The following POFUT3 variants were observed in gnomAD, a reference collection of about 807,000 sequenced individuals.
POFUT3 encodes the protein protein O-fucosyltransferase 3, also known as GDP-fucose protein O-fucosyltransferase 3.
At chr8:33,439,044 T>A in the POFUT3 span, among the ~76,000 whole-genome samples, 1 of 152,240 alleles carries the variant, frequency 6.6e-6, no homozygotes, top group Non-Finnish European at 1.5e-5. Context: ...ATCTCAAAGC[T>A]ACCACTTCCT....
chr8:33,372,391 T>C, the POFUT3 span: 6 of 1,367,328 alleles, frequency 4.4e-6, no homozygotes, highest in Non-Finnish European at 5.6e-6. Context: ...GTATAAAAAA[T>C]ATAGTGGCTA....
the POFUT3 span, among the ~76,000 whole-genome samples, chr8:33,470,236 C>CAAAAAAAAAAAAAAAAAA: frequency 5.6e-5 from 5 of 89,070 alleles, no homozygotes; most frequent in African/African-American, 2.3e-4. Context: ...CCCATCTCTA[C>CAAAAAAAAAAAAAAAAAA]AAAAAAAAAA....
chr8:33,415,185 C>T, the POFUT3 span, among the ~76,000 whole-genome samples: 3 of 152,078 alleles, frequency 2.0e-5, no homozygotes, highest in Non-Finnish European at 4.4e-5. Flanking sequence ...TCACTTGAAC[C>T]CAGGAGGCGG....
chr8:33,456,458 A>G, the POFUT3 span, among the ~76,000 whole-genome samples: 7,124 of 151,988 alleles, frequency 0.047, 271 homozygotes, highest in African/African-American at 0.099. Flanking sequence ...CCCGAGTTCA[A>G]GTGATTCTCC....
the POFUT3 span, among the ~76,000 whole-genome samples, chr8:33,339,443 A>G: frequency 3.3e-5 from 5 of 152,222 alleles, no homozygotes; most frequent in African/African-American, 4.8e-5. Flanking sequence ...GTGAGACTGT[A>G]ACAAAAGATC....
the POFUT3 span, among the ~76,000 whole-genome samples, chr8:33,394,655 G>A: frequency 6.6e-6 from 1 of 150,832 alleles, no homozygotes; most frequent in African/African-American, 2.4e-5. Context: ...TACATGAAAG[G>A]TTTTGCTCTT....
the POFUT3 span, among the ~76,000 whole-genome samples, chr8:33,465,248 T>C: frequency 1.3e-5 from 2 of 152,124 alleles, no homozygotes; most frequent in South Asian, 2.1e-4. Flanking sequence ...AATAAAACTA[T>C]ACTGTTTTCA....
the POFUT3 span, among the ~76,000 whole-genome samples, chr8:33,320,647 G>A: frequency 2.6e-5 from 4 of 152,036 alleles, no homozygotes; most frequent in African/African-American, 9.7e-5. Flanking sequence ...AGCTTAACTG[G>A]GCTGAACGAT....
the POFUT3 span, among the ~76,000 whole-genome samples, chr8:33,385,503 G>C: frequency 6.6e-6 from 1 of 152,180 alleles, no homozygotes; most frequent in Non-Finnish European, 1.5e-5. Flanking sequence ...GTCTCAGAGG[G>C]GCAAGGCAAC....
the POFUT3 span, among the ~76,000 whole-genome samples, chr8:33,402,247 C>T: frequency 1.3e-5 from 2 of 152,132 alleles, no homozygotes; most frequent in Non-Finnish European, 2.9e-5. Flanking sequence ...AAATCAAAGG[C>T]TTATTCTCTG....
the POFUT3 span, among the ~76,000 whole-genome samples, chr8:33,340,929 C>T: frequency 6.6e-6 from 1 of 152,168 alleles, no homozygotes. Flanking sequence ...AACATGCCAT[C>T]AACCAACAGA....
chr8:33,309,692 A>G, the POFUT3 span, among the ~76,000 whole-genome samples: 1 of 152,166 alleles, frequency 6.6e-6, no homozygotes, highest in African/African-American at 2.4e-5. Context: ...GCGCTTAGTC[A>G]GTACTCAGTA....
chr8:33,431,547 CAAAAAAAAAAAAAAAAAA>C, the POFUT3 span, among the ~76,000 whole-genome samples: 347 of 35,058 alleles, frequency 9.9e-3, 3 homozygotes, highest in African/African-American at 0.018. Flanking sequence ...GACCCTGTCT[CAAAAAAAAAAAAAAAAAA>C]AAAAAAAAAA....
At chr8:33,441,377 C>A in the POFUT3 span, among the ~76,000 whole-genome samples, 1 of 137,288 alleles carries the variant, frequency 7.3e-6, no homozygotes, top group African/African-American at 2.9e-5. Context: ...TTTTTTCCTG[C>A]CTTTTTTTTT....
chr8:33,438,975 G>A, the POFUT3 span, among the ~76,000 whole-genome samples: 1 of 152,048 alleles, frequency 6.6e-6, no homozygotes, highest in Non-Finnish European at 1.5e-5. Context: ...AGATTTGGGT[G>A]GAGACACAGT....
the POFUT3 span, among the ~76,000 whole-genome samples, chr8:33,368,152 G>T: frequency 6.6e-6 from 1 of 152,098 alleles, no homozygotes; most frequent in Non-Finnish European, 1.5e-5. Flanking sequence ...AAGGGGCAAG[G>T]GTATATAGCA....
the POFUT3 span, among the ~76,000 whole-genome samples, chr8:33,384,427 A>G: frequency 6.6e-6 from 1 of 152,182 alleles, no homozygotes; most frequent in East Asian, 1.9e-4. Flanking sequence ...AGGAATAGCA[A>G]TTAGTCCTTG....
the POFUT3 span, among the ~76,000 whole-genome samples, chr8:33,318,763 G>T: frequency 0.061 from 1,566 of 25,638 alleles, 43 homozygotes; most frequent in East Asian, 0.36. Flanking sequence ...TAAATATATT[G>T]TATATATATT....
At chr8:33,466,509 G>A in the POFUT3 span, among the ~76,000 whole-genome samples, 1 of 151,852 alleles carries the variant, frequency 6.6e-6, no homozygotes, top group African/African-American at 2.4e-5. Flanking sequence ...GAAGGGCAGG[G>A]CAGGGAAGGG....
Sources: gnomAD v4.1 joint callset for allele counts (sites outside exome capture counted in the v4.1 genomes callset) on GRCh38, gnomAD v4.1.1 for gene constraint, MANE v1.5 for transcripts, NCBI Gene and HGNC (gene_info 2026-07-23, HGNC 2026-07-21) for gene names.